DOCK3: variants seen among roughly 807,000 people sequenced by gnomAD.
DOCK3 encodes dedicator of cytokinesis protein 3.
In DOCK3, 60 loss-of-function variants were observed where a neutral mutation model predicts 265.6. The observed-to-expected ratio is 0.23, with a 90% CI of 0.18 to 0.28. The LOEUF is 0.28. Ranked by LOEUF, DOCK3 falls within the 10% of genes least tolerant of loss-of-function variation. The pLI is 1.00. For synonymous variants in DOCK3, 881 were observed against 938.0 expected (o/e 0.94, Z 1.11); for missense variants, 1,981 against 2,594.3 (o/e 0.76, Z 5.14).
chr3:51,082,960 GT>G, intron 7 of DOCK3, among the ~76,000 whole-genome samples: 1 of 152,150 alleles, frequency 6.6e-6, no homozygotes, highest in African/African-American at 2.4e-5. Flanking sequence ...GCCATTGCCA[GT>G]GCCATGTGTA....
chr3:50,774,587 GTTTATGTCTATATTCTTTTGGA>G (rs1413807665), intron 1 of DOCK3, among the ~76,000 whole-genome samples: 1 of 151,764 alleles, frequency 6.6e-6, no homozygotes, highest in East Asian at 1.9e-4. Context: ...TGTTGTAATA[GTTTATGTCTATATTCTTTTGGA>G]TTTTTTTTAC....
At chr3:51,076,166 C>T (rs2082049575) in intron 7 of DOCK3, among the ~76,000 whole-genome samples, 1 of 152,106 alleles carries the variant, frequency 6.6e-6, no homozygotes, top group African/African-American at 2.4e-5. Context: ...GGAAATTTGC[C>T]TAAGTAATAT....
At chr3:50,813,999 G>A (rs908012581) in intron 2 of DOCK3, among the ~76,000 whole-genome samples, 2 of 152,126 alleles carry the variant, frequency 1.3e-5, no homozygotes, top group Non-Finnish European at 2.9e-5. Context: ...GATACAAAAT[G>A]TATGGGCACG....
chr3:51,316,466 T>C (rs183181884), intron 32 of DOCK3, among the ~76,000 whole-genome samples: 2 of 152,374 alleles, frequency 1.3e-5, no homozygotes, highest in Middle Eastern at 3.4e-3. Context: ...CTTTCATTTT[T>C]CTTGAGTGAA....
chr3:50,863,072 G>A (rs146383360), intron 3 of DOCK3, among the ~76,000 whole-genome samples: 1 of 152,278 alleles, frequency 6.6e-6, no homozygotes, highest in African/African-American at 2.4e-5. Context: ...TTGTGCCAAC[G>A]AGGGCTTTGG....
chr3:50,955,040 T>G (rs746198604), intron 5 of DOCK3, among the ~76,000 whole-genome samples: 1 of 152,170 alleles, frequency 6.6e-6, no homozygotes, highest in Non-Finnish European at 1.5e-5. Context: ...CTTCCATGTA[T>G]GGCTAGCCAG....
At chr3:50,873,956 T>A (rs932405432) in intron 3 of DOCK3, among the ~76,000 whole-genome samples, 1 of 152,122 alleles carries the variant, frequency 6.6e-6, no homozygotes, top group Non-Finnish European at 1.5e-5. Context: ...AACTGTTTTT[T>A]CTACTTCTTC....
At chr3:50,703,307 T>C (rs1030439121) in intron 1 of DOCK3, among the ~76,000 whole-genome samples, 23 of 150,796 alleles carry the variant, frequency 1.5e-4, no homozygotes, top group African/African-American at 5.2e-4. Flanking sequence ...TAGTTTTCTC[T>C]TTTTTTTCTT....
intron 27 of DOCK3, among the ~76,000 whole-genome samples, chr3:51,308,148 T>G (rs2082806410): frequency 6.6e-6 from 1 of 151,970 alleles, no homozygotes; most frequent in Non-Finnish European, 1.5e-5. Context: ...AAGGCTACTG[T>G]GGAGGTGGGA....
At position 51,111,079 on chromosome 3, in the gene DOCK3, A is replaced by G. The variant is rs183378690; in HGVS notation, c.746+20695A>G. Among the ~76,000 whole-genome samples, 6 of 152,316 alleles carry G rather than the reference A, an allele frequency of 3.9e-5. No individual in the cohort carries two copies. The East Asian group carries it at 7.7e-4, about 20-fold the overall frequency. On this transcript the variant is annotated intron_variant, in intron 9 of 52. Coordinates refer to ENST00000266037, the MANE Select transcript of DOCK3 (RefSeq NM_004947.5). The stretch of plus-strand genomic sequence containing the variant: ...AATCAGGAAGGTAGTCCCATTCACA[A>G]TTGCCACACACAAAAATAAAGTATG...
At chr3:51,308,867 CG>C (rs2082872398) in intron 27 of DOCK3, among the ~76,000 whole-genome samples, 1 of 149,956 alleles carries the variant, frequency 6.7e-6, no homozygotes, top group African/African-American at 2.5e-5. Context: ...ACTTCTCAGA[CG>C]GGGCGGCTGC....
intron 3 of DOCK3, among the ~76,000 whole-genome samples, chr3:50,870,077 G>A (rs1447579393): frequency 1.3e-5 from 2 of 152,096 alleles, no homozygotes; most frequent in Non-Finnish European, 2.9e-5. Flanking sequence ...GGAAGAGAAT[G>A]TATATTCTGC....
chr3:50,893,083 C>G (rs1352951265), intron 4 of DOCK3, among the ~76,000 whole-genome samples: 2 of 151,988 alleles, frequency 1.3e-5, no homozygotes, highest in Admixed American at 1.3e-4. Context: ...TTGACAGGTT[C>G]CCAGAATCTG....
At chr3:51,376,059 A>C (rs1239123791) in intron 51 of DOCK3, among the ~76,000 whole-genome samples, 1 of 152,192 alleles carries the variant, frequency 6.6e-6, no homozygotes, top group African/African-American at 2.4e-5. Flanking sequence ...CTACCCTCAG[A>C]GGTCCCAACT....
chr3:51,288,903 G>GTGT (rs2081571405), intron 27 of DOCK3, among the ~76,000 whole-genome samples: 25 of 144,176 alleles, frequency 1.7e-4, no homozygotes, highest in Non-Finnish European at 3.4e-4. Context: ...TGTGTGTGTG[G>GTGT]GTGTGTGTGT....
chr3:50,983,689 C>T (rs894991884), intron 5 of DOCK3, among the ~76,000 whole-genome samples: 1 of 152,162 alleles, frequency 6.6e-6, no homozygotes, highest in Non-Finnish European at 1.5e-5. Flanking sequence ...CTTTGTCTTG[C>T]TCATCCTCCA....
chr3:50,707,464 T>G (rs1321739421), intron 1 of DOCK3, among the ~76,000 whole-genome samples: 1 of 151,942 alleles, frequency 6.6e-6, no homozygotes, highest in African/African-American at 2.4e-5. Context: ...ACCCAGTCCT[T>G]GGTATTTCTT....
At chr3:51,026,640 T>C (rs1046921678) in intron 5 of DOCK3, among the ~76,000 whole-genome samples, 1 of 152,068 alleles carries the variant, frequency 6.6e-6, no homozygotes, top group Non-Finnish European at 1.5e-5. Context: ...CTAGGCTTTT[T>C]ATCACTGATT....
At chr3:50,757,766 T>A (rs575489492) in intron 1 of DOCK3, among the ~76,000 whole-genome samples, 2 of 152,308 alleles carry the variant, frequency 1.3e-5, no homozygotes, top group South Asian at 4.1e-4. Flanking sequence ...TAAACTTTTT[T>A]GAGATAATTT....
Sources: gnomAD v4.1 joint callset for allele counts (sites outside exome capture counted in the v4.1 genomes callset) on GRCh38, gnomAD v4.1.1 for gene constraint, MANE v1.5 for transcripts, NCBI Gene and HGNC (gene_info 2026-07-23, HGNC 2026-07-21) for gene names.